Variants in AKNAD1 observed in about 807,000 individuals in gnomAD.
The protein encoded by AKNAD1 is AKNA domain containing 1.
In AKNAD1, 67 loss-of-function variants were observed where a neutral mutation model predicts 90.8. The observed-to-expected ratio is 0.74, with a 90% CI of 0.61 to 0.90. The LOEUF is 0.90. AKNAD1 is among the 40% of genes least tolerant of loss of function. The pLI is 0.00. For synonymous variants in AKNAD1, 327 were observed against 341.4 expected (o/e 0.96, Z 0.46); for missense variants, 957 against 975.4 (o/e 0.98, Z 0.25).
chr1:108,848,667 G>T, intron 5 of AKNAD1, 85 bp downstream of exon 5: 1 of 1,252,224 alleles, frequency 8.0e-7, no homozygotes, highest in South Asian at 1.4e-5. Context: ...CCACTGTAGA[G>T]AAAACATGGC....
At chr1:108,824,336 C>T (rs1348963910) in intron 11 of AKNAD1, among the ~76,000 whole-genome samples, 1 of 152,192 alleles carries the variant, frequency 6.6e-6, no homozygotes, top group African/African-American at 2.4e-5. Context: ...CAAGCAACAT[C>T]TCGCTGCAGG....
chr1:108,852,555 T>G lies in AKNAD1; in HGVS notation c.110A>C (p.Lys37Thr). 9 of 1,614,132 alleles carry G rather than the reference T, an allele frequency of 5.6e-6. No individual in the cohort carries two copies. Among genetic ancestry groups the G allele is most frequent in the Non-Finnish European group, 7.6e-6 (9 of 1,180,014 alleles). The change falls in exon 2 of 16, where the codon AAA (lysine) becomes ACA (threonine). Residue 37 changes from lysine to threonine, a missense_variant. Coordinates refer to ENST00000370001, the MANE Select transcript of AKNAD1 (RefSeq NM_152763.5). ...KIGNDYSFTS[K>T]KDGLEVLNQI... is the part of the protein sequence containing the mutation. ...ATTTAAGACTTCAAGGCCATCCTTTTTTGAGGTAAAACTGTAATCATTGCC... is the reference window on the plus strand; with the variant it reads ...ATTTAAGACTTCAAGGCCATCCTTTGTTGAGGTAAAACTGTAATCATTGCC...
chr1:108,854,238 T>C (rs1664967199), intron 1 of AKNAD1, among the ~76,000 whole-genome samples: 1 of 152,216 alleles, frequency 6.6e-6, no homozygotes, highest in Admixed American at 6.5e-5. Context: ...TCTTCCTGAT[T>C]TGTGAACTTT....
At chr1:108,823,799 G>T in intron 11 of AKNAD1, 111 bp from the exon 12 acceptor site, 1 of 1,516,652 alleles carries the variant, frequency 6.6e-7, no homozygotes, top group Non-Finnish European at 8.9e-7. Context: ...TGGCACCAAA[G>T]TGCTTAATGT....
intron 14 of AKNAD1, among the ~76,000 whole-genome samples, chr1:108,818,981 A>AAAAC (rs1663724677): frequency 6.6e-6 from 1 of 150,790 alleles, no homozygotes; most frequent in Non-Finnish European, 1.5e-5. Context: ...AAAAAAAAAA[A>AAAAC]CCAAGAAGTC....
intron 5 of AKNAD1, among the ~76,000 whole-genome samples, chr1:108,843,648 G>T (rs1664618157): frequency 6.6e-6 from 1 of 152,188 alleles, no homozygotes; most frequent in Admixed American, 6.5e-5. Flanking sequence ...TGTTGTAAAT[G>T]TAGTAAAGTA....
chr1:108,819,804 G>A (rs1446676988), intron 14 of AKNAD1, among the ~76,000 whole-genome samples: 3 of 146,378 alleles, frequency 2.0e-5, no homozygotes, highest in Admixed American at 6.8e-5. Context: ...AGGCTGAGGC[G>A]GGAGGATGAC....
At position 108,851,943 on chromosome 1, in the gene AKNAD1, G is replaced by A. The variant is rs757318616; in HGVS notation, c.722C>T (p.Ala241Val). Residue 241 changes from alanine (A) to valine (V), a missense_variant, in exon 2 of 16, where the codon GCA (alanine) becomes GTA (valine). Coordinates refer to ENST00000370001, the MANE Select transcript of AKNAD1 (RefSeq NM_152763.5). ...QSPQKQQTEK[A>V]NSGNTFKYGQ... ...GTATTTGAACGTGTTGCCTGAATTT[G>A]CTTTTTCAGTCTGCTGTTTCTGGGG... 8.1e-6 allele frequency: 13 copies of A among 1,614,198 alleles called. No homozygotes were observed. The Admixed American group carries it at 2.2e-4, about 27-fold the overall frequency.
At chr1:108,841,983 T>G (rs1435160876) in intron 6 of AKNAD1, among the ~76,000 whole-genome samples, 1 of 152,186 alleles carries the variant, frequency 6.6e-6, no homozygotes, top group Non-Finnish European at 1.5e-5. Context: ...GGTCTTAATG[T>G]GCACAGAAAC....
Position 108,852,260 on chromosome 1 carries a change from C to G in AKNAD1, c.405G>C (p.Glu135Asp). The G allele has an allele frequency of 6.2e-7, 1 of 1,614,028 alleles. No individual in the cohort carries two copies. Among genetic ancestry groups the G allele is most frequent in the Non-Finnish European group, 8.5e-7 (1 of 1,180,004 alleles). Residue 135 changes from glutamate to aspartate, a missense_variant, in exon 2 of 16, where the codon GAG becomes GAC. Transcript: ENST00000370001. ...CTTCAAAACTGTCGGCATTTGAGAT[C>G]TCTGGGAGGGTTTCACAATCAATGC... ...GQGIDCETLP[E>D]ISNADSFEEE...
chr1:108,816,748 ACAGTGTCACTGGAACAGACC>A (rs1371094576), intron 15 of AKNAD1: 1 of 331,250 alleles, frequency 3.0e-6, no homozygotes, highest in Non-Finnish European at 5.6e-6. Flanking sequence ...AACTCTGATC[ACAGTGTCACTGGAACAGACC>A]CAGTGCCTTC....
rs560672319 is a variant in AKNAD1, at chr1:108,851,871, G to A, written c.794C>T (p.Ala265Val). The stretch of plus-strand genomic sequence containing the variant: ...ATTTTTAGGAATTTTCACTTTGGGA[G>A]CAATCTTAGAGAAATCAGGGAGCTG... ...HYQLPDFSKI[A>V]PKVKIPKNKI... The change falls in exon 2 of 16, where the codon GCT becomes GTT. Residue 265 changes from alanine (A) to valine (V), a missense_variant. Coordinates refer to ENST00000370001, the MANE Select transcript of AKNAD1 (RefSeq NM_152763.5). 32 of 1,613,684 alleles carry A rather than the reference G, an allele frequency of 2.0e-5. No individual in the cohort carries two copies. The South Asian group carries it at 2.5e-4, about 13-fold the overall frequency.
At chr1:108,833,031 C>A (rs1370954838) in intron 9 of AKNAD1, among the ~76,000 whole-genome samples, 1 of 152,120 alleles carries the variant, frequency 6.6e-6, no homozygotes, top group African/African-American at 2.4e-5. Flanking sequence ...TTACCTGAAG[C>A]AGTGTTTATG....
intron 1 of AKNAD1, among the ~76,000 whole-genome samples, chr1:108,855,878 C>CTTT (rs540099927): frequency 7.9e-6 from 1 of 127,100 alleles, no homozygotes; most frequent in African/African-American, 2.9e-5. Flanking sequence ...AACAGAGTAT[C>CTTT]TTTTTTTTTT....
At chr1:108,838,964 A>C (rs1384261317) in intron 6 of AKNAD1, among the ~76,000 whole-genome samples, 1 of 152,204 alleles carries the variant, frequency 6.6e-6, no homozygotes. Flanking sequence ...TTTAAAAAAA[A>C]TTTCAATGTC....
At chr1:108,857,972 T>G (rs949186002), upstream of AKNAD1, 2 of 152,632 alleles carry the variant, frequency 1.3e-5, no homozygotes, top group African/African-American at 4.8e-5. Flanking sequence ...CAAAGCAGTA[T>G]GCTGCTCTGT....
chr1:108,833,532 G>A (rs1163090218), intron 9 of AKNAD1, among the ~76,000 whole-genome samples: 3 of 151,914 alleles, frequency 2.0e-5, no homozygotes, highest in South Asian at 4.2e-4. Flanking sequence ...GCAGTGAGCT[G>A]GGATCGCACC....
chr1:108,853,136 C>CTTTTTTCTTTTTTT (rs1398505027), intron 1 of AKNAD1, among the ~76,000 whole-genome samples: 1 of 133,548 alleles, frequency 7.5e-6, no homozygotes, highest in Non-Finnish European at 1.6e-5. Context: ...TTTCTTTTTT[C>CTTTTTTCTTTTTTT]TTTTTTTTTT....
chr1:108,851,102 T>C (rs1664843346), intron 2 of AKNAD1, among the ~76,000 whole-genome samples: 1 of 152,080 alleles, frequency 6.6e-6, no homozygotes, highest in Non-Finnish European at 1.5e-5. Flanking sequence ...AAGGCGAAGA[T>C]AAGGTTGCTG....
Sources: gnomAD v4.1 joint callset for allele counts (sites outside exome capture counted in the v4.1 genomes callset) on GRCh38, gnomAD v4.1.1 for gene constraint, MANE v1.5 for transcripts, NCBI Gene and HGNC (gene_info 2026-07-23, HGNC 2026-07-21) for gene names.